CLSTN1: variants seen among roughly 807,000 people sequenced by gnomAD.
CLSTN1 encodes calsyntenin 1.
Under a neutral mutation model 108.3 loss-of-function variants are expected in CLSTN1, and 28 were observed. The observed-to-expected ratio is 0.26, with a 90% CI of 0.19 to 0.35. The LOEUF (loss-of-function observed/expected upper bound fraction) is 0.35, where lower values mean the gene tolerates loss of function less well. Ranked by LOEUF, CLSTN1 falls within the 10% of genes least tolerant of loss-of-function variation. The pLI is 1.00. For missense variants in CLSTN1, 1,157 were observed against 1,302.6 expected (o/e 0.89, Z 1.72); for synonymous variants, 524 against 534.9 (o/e 0.98, Z 0.28).
intron 10 of CLSTN1, among the ~76,000 whole-genome samples, chr1:9,739,542 G>A (rs988921110): frequency 7.2e-5 from 11 of 152,226 alleles, no homozygotes; most frequent in African/African-American, 2.6e-4. Context: ...CACAAAAAAG[G>A]GCTTAAAACC....
At chr1:9,821,877 G>C (rs1655203040) in intron 1 of CLSTN1, among the ~76,000 whole-genome samples, 1 of 152,156 alleles carries the variant, frequency 6.6e-6, no homozygotes, top group African/African-American at 2.4e-5. Context: ...GAAAAACTTA[G>C]AGAAAGCAAA....
intron 1 of CLSTN1, among the ~76,000 whole-genome samples, chr1:9,788,652 G>GGTCA (rs1195277036): frequency 1.3e-5 from 2 of 151,232 alleles, no homozygotes; most frequent in Non-Finnish European, 2.9e-5. Context: ...CGGATCATGA[G>GGTCA]GTCAGGAGAT....
chr1:9,785,615 C>T (rs752974402), intron 1 of CLSTN1, among the ~76,000 whole-genome samples: 22 of 152,042 alleles, frequency 1.4e-4, no homozygotes, highest in Admixed American at 2.6e-4. Flanking sequence ...GATGTGCCAA[C>T]CAGAAGTGTC....
At chr1:9,800,581 T>C (rs1457554520) in intron 1 of CLSTN1, among the ~76,000 whole-genome samples, 1 of 130,404 alleles carries the variant, frequency 7.7e-6, no homozygotes, top group African/African-American at 2.9e-5. Flanking sequence ...AAAAAAAAAA[T>C]TAGCTGGGTG....
chr1:9,740,272 C>T (rs1650912309), intron 10 of CLSTN1, among the ~76,000 whole-genome samples: 3 of 151,620 alleles, frequency 2.0e-5, no homozygotes, highest in Admixed American at 1.3e-4. Context: ...GTTGGCCAGG[C>T]TGGTCTCGAA....
intron 1 of CLSTN1, among the ~76,000 whole-genome samples, chr1:9,777,548 G>T (rs1284359155): frequency 6.6e-6 from 1 of 152,074 alleles, no homozygotes. Flanking sequence ...CAACAAAAAA[G>T]ATAATTTTAA....
In CLSTN1 at chr1:9,773,334, T is replaced by G. The variant is rs1468237630; in HGVS notation, c.152A>C (p.Asn51Thr). ...TYHGIVTEND[N>T]TVLLDPPLIA... ...CAGTGGGGGGTCGAGGAGCACGGTG[T>G]TGTCGTTCTCTGTGACTATGCCGTG... The change falls in exon 2 of 19, where the codon AAC becomes ACC. Residue 51 changes from asparagine (N) to threonine (T), a missense_variant. Coordinates refer to ENST00000377298, the MANE Select transcript of CLSTN1 (RefSeq NM_001009566.3). 2.5e-6 allele frequency: 4 copies of G among 1,614,190 alleles called. No individual in the cohort carries two copies. Among genetic ancestry groups the G allele is most frequent in the Non-Finnish European group, 3.4e-6 (4 of 1,180,034 alleles).
chr1:9,772,534 T>C (rs968344813), intron 2 of CLSTN1, among the ~76,000 whole-genome samples: 1 of 152,144 alleles, frequency 6.6e-6, no homozygotes, highest in Non-Finnish European at 1.5e-5. Flanking sequence ...AACTTTACAA[T>C]GTCAACTCCA....
intron 1 of CLSTN1, among the ~76,000 whole-genome samples, chr1:9,791,844 T>C (rs1653785038): frequency 6.6e-6 from 1 of 151,280 alleles, no homozygotes; most frequent in African/African-American, 2.4e-5. Flanking sequence ...CCAAATCCTT[T>C]TTAGTTTAAT....
intron 1 of CLSTN1, among the ~76,000 whole-genome samples, chr1:9,810,339 G>A (rs1250718815): frequency 6.7e-6 from 1 of 149,514 alleles, no homozygotes; most frequent in Non-Finnish European, 1.5e-5. Flanking sequence ...AGTCAGGTGT[G>A]GGAGTGTACA....
intron 7 of CLSTN1, among the ~76,000 whole-genome samples, chr1:9,746,735 C>T (rs1486761071): frequency 6.7e-6 from 1 of 150,314 alleles, no homozygotes; most frequent in Non-Finnish European, 1.5e-5. Flanking sequence ...AAACCACACA[C>T]ACACACTAGA....
chr1:9,754,606 A>G (rs1651723190), intron 4 of CLSTN1, among the ~76,000 whole-genome samples: 1 of 152,112 alleles, frequency 6.6e-6, no homozygotes, highest in African/African-American at 2.4e-5. Context: ...CTATAATCCC[A>G]GCACTTTAGG....
chr1:9,741,977 T>C (rs758528060), intron 9 of CLSTN1, among the ~76,000 whole-genome samples: 7 of 152,194 alleles, frequency 4.6e-5, no homozygotes, highest in Non-Finnish European at 1.0e-4. Flanking sequence ...ACATGTATTT[T>C]CTTTTCCAAC....
At chr1:9,775,502 G>A (rs1652893212) in intron 1 of CLSTN1, among the ~76,000 whole-genome samples, 1 of 151,662 alleles carries the variant, frequency 6.6e-6, no homozygotes, top group African/African-American at 2.4e-5. Flanking sequence ...CTGGGGCTCG[G>A]CTCCTAAGTG....
Position 9,751,470 on chromosome 1 carries a change from T to C in CLSTN1, c.649+3A>G, listed in dbSNP as rs1005096107. On this transcript the variant is annotated splice_donor_region_variant and intron_variant, in intron 5 of 18. Coordinates refer to ENST00000377298, the MANE Select transcript of CLSTN1 (RefSeq NM_001009566.3). ...GCTGAAAAGCCGGCTCCTCGATTCTTACCATCTTTGTCAACAGTAAAGGGC... is the reference window on the plus strand; with the variant it reads ...GCTGAAAAGCCGGCTCCTCGATTCTCACCATCTTTGTCAACAGTAAAGGGC... 4 of 1,613,934 alleles carry C rather than the reference T, an allele frequency of 2.5e-6. No homozygotes were observed. The highest frequency in any genetic ancestry group is 1.3e-5 in the African/African-American group (1 of 74,932).
At chr1:9,814,532 A>G (rs541439207) in intron 1 of CLSTN1, among the ~76,000 whole-genome samples, 2 of 152,374 alleles carry the variant, frequency 1.3e-5, no homozygotes, top group African/African-American at 4.8e-5. Context: ...GGAATAGTTA[A>G]ATAAAATCAA....
chr1:9,748,422 A>G (rs1479351413), intron 7 of CLSTN1, among the ~76,000 whole-genome samples: 1 of 152,206 alleles, frequency 6.6e-6, no homozygotes, highest in Non-Finnish European at 1.5e-5. Flanking sequence ...TCTAAGTTAG[A>G]TGTGGCTATC....
intron 9 of CLSTN1, 56 bp downstream of exon 9, chr1:9,743,828 G>A: frequency 1.9e-6 from 3 of 1,601,704 alleles, no homozygotes. Context: ...AAAGTGCTGG[G>A]ATTATAGGTG....
intron 18 of CLSTN1, 43 bp downstream of exon 18, chr1:9,731,163 C>G (rs1354970467): frequency 1.2e-6 from 2 of 1,611,756 alleles, no homozygotes; most frequent in East Asian, 4.5e-5. Context: ...AGGCCCTGGC[C>G]TGTGCTGCCT....
Sources: allele counts gnomAD v4.1 joint callset (sites outside exome capture counted in the v4.1 genomes callset), GRCh38; gene constraint gnomAD v4.1.1; transcripts MANE v1.5; gene names NCBI Gene and HGNC (gene_info 2026-07-23, HGNC 2026-07-21).